Variants in RAB35 observed in about 807,000 individuals in gnomAD.
RAB35 encodes the protein ras-related protein Rab-35.
In RAB35, 4 loss-of-function variants were observed where a neutral mutation model predicts 28.9. That is an observed-to-expected ratio of 0.14 (90% CI 0.07 to 0.32). The LOEUF (loss-of-function observed/expected upper bound fraction) is 0.32. Ranked by LOEUF, RAB35 falls within the 10% of genes least tolerant of loss-of-function variation. The pLI is 1.00. For missense variants in RAB35, 128 were observed against 274.0 expected, an observed-to-expected ratio of 0.47 and a Z score of 3.76; for synonymous variants, 99 against 105.1, an observed-to-expected ratio of 0.94 and a Z score of 0.35.
Position 120,095,879 on chromosome 12 carries a change from A to G in RAB35, c.*1366T>C, listed in dbSNP as rs1195989867. 4 of 154,022 alleles carry G rather than the reference A, an allele frequency of 2.6e-5. No homozygotes were observed. The highest frequency in any genetic ancestry group is 4.3e-5 in the Non-Finnish European group (3 of 69,382). The allele number at this position is 154,022 out of a possible 1,614,324, so 9.5% of individuals were successfully genotyped here. ...CCTAGGAAAGGAAATCTAAGGAAAC[A>G]CATCCTGGTGTTAAACTCGGTTCTT... On this transcript the variant is annotated 3_prime_UTR_variant, in exon 6 of 6. Transcript: ENST00000229340.
At position 120,103,895 on chromosome 12, in the gene RAB35, T is replaced by G. The variant is rs1294936456; in HGVS notation, c.158A>C (p.Asn53Thr). 1.1e-5 allele frequency: 17 copies of G among 1,614,072 alleles called. No individual in the cohort carries two copies. Among genetic ancestry groups the G allele is most frequent in the Non-Finnish European group, 1.4e-5 (17 of 1,180,000 alleles). ...GATCTGCAGCTTCACCTTCTCCCCG[T>G]TGATCTCCACGGTCCGGATCTTGAA... is the stretch of plus-strand genomic sequence containing the variant. ...VDFKIRTVEI[N>T]GEKVKLQIWD... Residue 53 changes from asparagine to threonine, a missense_variant, in exon 3 of 6, where the codon AAC becomes ACC. By Grantham distance (65) the Asn-to-Thr change is moderately conservative (BLOSUM62 0). Coordinates refer to ENST00000229340, the MANE Select transcript of RAB35 (RefSeq NM_006861.7). The surrounding 1 kb of genome is among the most constrained non-coding windows in gnomAD (Gnocchi z 6.1).
Position 120,097,247 on chromosome 12 carries a change from A to G in RAB35, c.604T>C (p.Ter202GlnextTer34). ...TCTCTGCAGTGGACTGGGTGCCATT[A>G]GCAGCAGCGTTTCTTTCGTTTACTG... ...KNSKRKKRCC[*>Q] The change falls in exon 6 of 6, where the codon TAA becomes CAA. Residue 202 changes from the stop codon to glutamine (Q), a stop_lost. Coordinates refer to ENST00000229340, the MANE Select transcript of RAB35 (RefSeq NM_006861.7). 6.2e-7 allele frequency: 1 copy of G among 1,614,106 alleles called. No individual in the cohort carries two copies. Among genetic ancestry groups the G allele is most frequent in the Non-Finnish European group, 8.5e-7 (1 of 1,180,042 alleles).
At chr12:120,104,120 C>G (rs1875771218) in intron 2 of RAB35, among the ~76,000 whole-genome samples, 171 bp from the exon 3 acceptor site, 1 of 152,090 alleles carries the variant, frequency 6.6e-6, no homozygotes, top group South Asian at 2.1e-4. Context: ...TCACAAGGCC[C>G]CTCCACACAC....
At chr12:120,111,173 A>C (rs1426864874) in intron 1 of RAB35, among the ~76,000 whole-genome samples, 1 of 152,242 alleles carries the variant, frequency 6.6e-6, no homozygotes, top group African/African-American at 2.4e-5. Flanking sequence ...CCACACTGAC[A>C]GCTCTGCTAT....
intron 2 of RAB35, among the ~76,000 whole-genome samples, chr12:120,107,135 T>C (rs10774541): frequency 0.44 from 66,113 of 151,738 alleles, 17,364 homozygotes; most frequent in East Asian, 0.75. Flanking sequence ...ATTATAGGTA[T>C]GCACCACCAC....
intron 1 of RAB35, among the ~76,000 whole-genome samples, chr12:120,114,939 G>A (rs1876268779): frequency 6.6e-6 from 1 of 152,178 alleles, no homozygotes; most frequent in Non-Finnish European, 1.5e-5. Context: ...TGGCCCCAGT[G>A]CCAGTCCCTC....
At chr12:120,115,040 C>T (rs1473505338) in intron 1 of RAB35, among the ~76,000 whole-genome samples, 4 of 152,214 alleles carry the variant, frequency 2.6e-5, no homozygotes, top group Non-Finnish European at 5.9e-5. Context: ...AGAGAACACT[C>T]CAGAGCTTGC....
At chr12:120,111,155 A>G (rs774049367) in intron 1 of RAB35, among the ~76,000 whole-genome samples, 20 of 152,196 alleles carry the variant, frequency 1.3e-4, no homozygotes, top group Non-Finnish European at 2.2e-4. Context: ...TGCCTAAACG[A>G]ACGCCCGCCA....
At chr12:120,098,668 A>C (rs189233316) in intron 5 of RAB35, 143 bp downstream of exon 5, 9 of 1,152,330 alleles carry the variant, frequency 7.8e-6, no homozygotes, top group South Asian at 1.5e-5. Flanking sequence ...AGATCGTTAA[A>C]GGGCCTGGCA....
Position 120,116,670 on chromosome 12 carries a change from C to CGCGG in RAB35, c.-24_-21dup. On this transcript the variant is annotated 5_prime_UTR_variant, in exon 1 of 6. Coordinates refer to ENST00000229340, the MANE Select transcript of RAB35 (RefSeq NM_006861.7). ...GGCCATGGCGGGCGGGGGCGGTGCG[C>CGCGG]GCGGGCGGGCGGGGTCGGTACTGGC... The CGCGG allele has an allele frequency of 8.2e-7, 1 of 1,223,168 alleles. No homozygotes were observed. Among genetic ancestry groups the CGCGG allele is most frequent in the Non-Finnish European group, 1.0e-6 (1 of 982,314 alleles). The allele number at this position is 1,223,168 out of a possible 1,614,324, so 75.8% of individuals were successfully genotyped here.
chr12:120,110,365 C>T (rs1245404374), intron 1 of RAB35, among the ~76,000 whole-genome samples: 2 of 135,514 alleles, frequency 1.5e-5, no homozygotes, highest in Non-Finnish European at 3.0e-5. Context: ...TCATAACTCA[C>T]TCTAACCTTG....
At chr12:120,107,283 G>A (rs542470011) in intron 2 of RAB35, among the ~76,000 whole-genome samples, 7 of 151,944 alleles carry the variant, frequency 4.6e-5, no homozygotes, top group South Asian at 2.1e-4. Flanking sequence ...CACCGCACCC[G>A]GCTGAACCTG....
At chr12:120,104,532 A>G (rs1051948870) in intron 2 of RAB35, among the ~76,000 whole-genome samples, 2 of 152,222 alleles carry the variant, frequency 1.3e-5, no homozygotes, top group African/African-American at 4.8e-5. Context: ...TGCCACTTCC[A>G]AGAACGTGGA....
intron 2 of RAB35, 89 bp downstream of exon 2, chr12:120,108,328 G>T: frequency 7.4e-7 from 1 of 1,356,968 alleles, no homozygotes; most frequent in Non-Finnish European, 1.0e-6. Context: ...CCCAACATCA[G>T]GCAGAGGCAA....
chr12:120,098,774 G>C (rs373916917), intron 5 of RAB35, 37 bp downstream of exon 5: 1 of 1,612,234 alleles, frequency 6.2e-7, no homozygotes, highest in Non-Finnish European at 8.5e-7. Flanking sequence ...AGGCGGCCAC[G>C]GGTGTGTGGC....
intron 1 of RAB35, among the ~76,000 whole-genome samples, chr12:120,115,258 A>C (rs951730254): frequency 1.3e-5 from 2 of 152,078 alleles, no homozygotes; most frequent in Non-Finnish European, 2.9e-5. Flanking sequence ...AGGGAGGCCA[A>C]AACCACCCAC....
chr12:120,109,239 A>T (rs986607822), intron 1 of RAB35, among the ~76,000 whole-genome samples: 1 of 152,196 alleles, frequency 6.6e-6, no homozygotes. Flanking sequence ...GGATCACCTG[A>T]GGTCGGGAGT....
chr12:120,109,348 G>A (rs1876019186), intron 1 of RAB35, among the ~76,000 whole-genome samples: 1 of 152,194 alleles, frequency 6.6e-6, no homozygotes, highest in Admixed American at 6.5e-5. Flanking sequence ...AGCTACTCGG[G>A]AGACTGAGGC....
chr12:120,110,233 C>T (rs532046589), intron 1 of RAB35, among the ~76,000 whole-genome samples: 1 of 150,226 alleles, frequency 6.7e-6, no homozygotes, highest in African/African-American at 2.5e-5. Flanking sequence ...TATGAAACCC[C>T]CTGAAACAAA....
Sources: allele counts gnomAD v4.1 joint callset (sites outside exome capture counted in the v4.1 genomes callset), GRCh38; gene constraint gnomAD v4.1.1; non-coding constraint Gnocchi (gnomAD v3.1); transcripts MANE v1.5; gene names NCBI Gene and HGNC (gene_info 2026-07-23, HGNC 2026-07-21).